Variants in TAFA2 observed in about 807,000 individuals in gnomAD.
The protein encoded by TAFA2 is chemokine-like protein TAFA-2.
In TAFA2, 7 loss-of-function variants were observed where a neutral mutation model predicts 18.8. The ratio of observed to expected loss-of-function variants is 0.37; its 90% confidence interval spans 0.21 to 0.70. The LOEUF is 0.70. Ranked by LOEUF, TAFA2 falls within the 30% of genes least tolerant of loss-of-function variation. TAFA2 has a pLI of 0.53. For missense variants in TAFA2, 122 were observed against 158.1 expected (o/e 0.77, Z 1.23); for synonymous variants, 60 against 54.2 (o/e 1.11, Z -0.47).
intron 2 of TAFA2, among the ~76,000 whole-genome samples, chr12:61,865,421 A>G (rs573839968): frequency 1.5e-4 from 23 of 152,360 alleles, no homozygotes; most frequent in Non-Finnish European, 3.1e-4. Context: ...GAAAGAAAAA[A>G]GAACAAAAGG....
intron 1 of TAFA2, among the ~76,000 whole-genome samples, chr12:62,227,716 G>A (rs940949164): frequency 5.9e-5 from 9 of 152,104 alleles, no homozygotes; most frequent in African/African-American, 9.7e-5. Flanking sequence ...GTCCTGAAGC[G>A]TTTCCCAAAG....
intron 2 of TAFA2, among the ~76,000 whole-genome samples, chr12:61,830,288 T>C (rs952063338): frequency 1.6e-4 from 24 of 150,666 alleles, no homozygotes; most frequent in African/African-American, 5.6e-4. Context: ...GTTTATTCCA[T>C]ATCTTTTATA....
rs76094193 is a variant in TAFA2, at chr12:61,746,818, T to A, written c.384+6804A>T. ...AATAGAATCTGACAATAGGAGGCAA[T>A]AAAGACTTTTTGAATACAGCATACA... On this transcript the variant is annotated intron_variant, in intron 4 of 4. Coordinates refer to ENST00000416284, the MANE Select transcript of TAFA2 (RefSeq NM_178539.5). Among the ~76,000 whole-genome samples the A allele has an allele frequency of 4.3e-3, 647 of 152,228 alleles. 4 individuals carry two copies. Among genetic ancestry groups the A allele is most frequent in the African/African-American group, 0.015 (633 of 41,566 alleles).
intron 1 of TAFA2, among the ~76,000 whole-genome samples, chr12:62,053,833 C>T (rs1460627499): frequency 1.3e-5 from 2 of 152,196 alleles, no homozygotes; most frequent in African/African-American, 2.4e-5. Context: ...GAACCTATCT[C>T]ACAGGCTTGA....
At chr12:61,880,437 G>A (rs544125335) in intron 1 of TAFA2, 18 of 539,066 alleles carry the variant, frequency 3.3e-5, no homozygotes, top group African/African-American at 1.3e-4. Flanking sequence ...CAGCAGCTGC[G>A]TGTATACCAG....
Position 62,123,772 on chromosome 12 carries a change from C to CCACACACACA in TAFA2, c.-2+67486_-2+67487insTGTGTGTGTG, listed in dbSNP as rs369871302. Reference sequence around the variant, plus strand: ...CCCACATATTCTCAAATCTCCCCCACCACACACATACACACACACACACAC... The same window carrying CCACACACACA: ...CCCACATATTCTCAAATCTCCCCCACCACACACACACACACACATACACACACACACACAC... On this transcript the variant is annotated intron_variant, in intron 1 of 4. Transcript: ENST00000416284. Among the ~76,000 whole-genome samples, 236 of 68,978 alleles carry CCACACACACA rather than the reference C, an allele frequency of 3.4e-3. 1 individual carries two copies. Among genetic ancestry groups the CCACACACACA allele is most frequent in the African/African-American group, 0.011 (183 of 16,390 alleles). 45.3% of individuals were successfully genotyped at this position (68,978 alleles called of 152,430 possible).
At chr12:61,992,027 C>T (rs1056643835) in intron 1 of TAFA2, among the ~76,000 whole-genome samples, 2 of 152,162 alleles carry the variant, frequency 1.3e-5, no homozygotes, top group African/African-American at 2.4e-5. Flanking sequence ...GTTCATATAA[C>T]TCAGGTCTTG....
intron 2 of TAFA2, among the ~76,000 whole-genome samples, chr12:61,781,156 T>A (rs1329675334): frequency 1.3e-5 from 2 of 151,062 alleles, no homozygotes; most frequent in Non-Finnish European, 3.0e-5. Context: ...GCATAATCAG[T>A]CAATCAGCAG....
chr12:62,136,558 A>G (rs1338729486), intron 1 of TAFA2, among the ~76,000 whole-genome samples: 1 of 152,182 alleles, frequency 6.6e-6, no homozygotes, highest in Non-Finnish European at 1.5e-5. Flanking sequence ...GTAATTCACA[A>G]TGGCAGTTAA....
intron 1 of TAFA2, among the ~76,000 whole-genome samples, chr12:62,084,665 A>G (rs1023887868): frequency 6.6e-6 from 1 of 152,158 alleles, no homozygotes; most frequent in East Asian, 1.9e-4. Context: ...AAAAACACTC[A>G]GGCTTAGAGG....
chr12:62,197,967 T>C (rs577509903), intron 1 of TAFA2, among the ~76,000 whole-genome samples: 69 of 152,326 alleles, frequency 4.5e-4, no homozygotes, highest in Admixed American at 2.8e-3. Flanking sequence ...GGTTACTACC[T>C]AGAAATGAAA....
At chr12:61,739,133 G>A (rs948678874) in intron 4 of TAFA2, among the ~76,000 whole-genome samples, 11 of 152,024 alleles carry the variant, frequency 7.2e-5, no homozygotes, top group African/African-American at 2.7e-4. Context: ...AAACTGAGGA[G>A]TATTGATGTA....
At chr12:62,035,170 A>T (rs997585209) in intron 1 of TAFA2, among the ~76,000 whole-genome samples, 1 of 152,194 alleles carries the variant, frequency 6.6e-6, no homozygotes, top group African/African-American at 2.4e-5. Context: ...AATCACTGTA[A>T]GATACATTAT....
At chr12:61,844,533 G>A (rs11174195) in intron 2 of TAFA2, among the ~76,000 whole-genome samples, 7,848 of 152,078 alleles carry the variant, frequency 0.052, 260 homozygotes, top group Non-Finnish European at 0.075. Context: ...AGTTATTTAG[G>A]CTAAAATGGA....
At chr12:62,148,329 T>C (rs2062302581) in intron 1 of TAFA2, among the ~76,000 whole-genome samples, 1 of 152,098 alleles carries the variant, frequency 6.6e-6, no homozygotes, top group South Asian at 2.1e-4. Context: ...ATAAAGAAAA[T>C]GTGGCATATA....
chr12:62,004,360 A>T (rs895693258), intron 1 of TAFA2, among the ~76,000 whole-genome samples: 1 of 152,162 alleles, frequency 6.6e-6, no homozygotes, highest in African/African-American at 2.4e-5. Context: ...CACTGCTCTG[A>T]TATGGTTATA....
chr12:61,917,111 C>CAAGGATAGGAGAGGGAAA (rs1876852896), intron 1 of TAFA2, among the ~76,000 whole-genome samples: 2 of 152,162 alleles, frequency 1.3e-5, no homozygotes, highest in Non-Finnish European at 2.9e-5. Flanking sequence ...ATGAAGATGA[C>CAAGGATAGGAGAGGGAAA]TGTTCAAGAT....
chr12:62,057,333 CTT>C (rs1343791131), intron 1 of TAFA2, among the ~76,000 whole-genome samples: 8 of 151,744 alleles, frequency 5.3e-5, no homozygotes, highest in Admixed American at 2.0e-4. Context: ...AGTATTTTTT[CTT>C]GATTGCTTTT....
In TAFA2 at chr12:62,146,925, T is replaced by A. The variant is rs116303865; in HGVS notation, c.-2+44334A>T. Among the ~76,000 whole-genome samples, 1,455 of 152,072 alleles carry A rather than the reference T, an allele frequency of 9.6e-3. 21 individuals are homozygous for A. Among genetic ancestry groups the A allele is most frequent in the African/African-American group, 0.034 (1,404 of 41,466 alleles). ...TTACTCCCTCTTGGTAAAGTTTGGG[T>A]CCTTTATTAAAATATGACCACTAAT... On this transcript the variant is annotated intron_variant, in intron 1 of 4. Coordinates refer to ENST00000416284, the MANE Select transcript of TAFA2 (RefSeq NM_178539.5).
Sources: gnomAD v4.1 joint callset for allele counts (sites outside exome capture counted in the v4.1 genomes callset) on GRCh38, gnomAD v4.1.1 for gene constraint, MANE v1.5 for transcripts, NCBI Gene and HGNC (gene_info 2026-07-23, HGNC 2026-07-21) for gene names.